Variants in PHLDB2 observed in about 807,000 individuals in gnomAD.
PHLDB2 encodes the protein pleckstrin homology like domain family B member 2, also known as pleckstrin homology-like domain family B member 2.
Under a neutral mutation model 123.6 loss-of-function variants are expected in PHLDB2, and 71 were observed. The observed-to-expected ratio is 0.57, with a 90% CI of 0.47 to 0.70. The LOEUF is 0.70. Ranked by LOEUF, PHLDB2 falls within the 30% of genes least tolerant of loss-of-function variation. The pLI is 0.00. For missense variants in PHLDB2, 1,446 were observed against 1,519.5 expected, an observed-to-expected ratio of 0.95 and a Z score of 0.80; for synonymous variants, 547 against 541.6, an observed-to-expected ratio of 1.01 and a Z score of -0.14.
At chr3:111,910,448 G>A (rs1007216112) in intron 2 of PHLDB2, among the ~76,000 whole-genome samples, 1 of 152,188 alleles carries the variant, frequency 6.6e-6, no homozygotes, top group African/African-American at 2.4e-5. Context: ...GGAAATCTCA[G>A]AGGGCAGCCA....
At chr3:111,841,676 A>G (rs182160123) in intron 1 of PHLDB2, among the ~76,000 whole-genome samples, 84 of 152,306 alleles carry the variant, frequency 5.5e-4, no homozygotes, top group Admixed American at 9.8e-4. Context: ...ACAGGGTGTC[A>G]GCTGGGCTTC....
chr3:111,755,914 C>G (rs11532594), intron 1 of PHLDB2, among the ~76,000 whole-genome samples: 140,768 of 150,466 alleles, frequency 0.94, 65,907 homozygotes, highest in East Asian at 1. Flanking sequence ...TATGTACCCA[C>G]TAGTCATTCA....
intron 10 of PHLDB2, chr3:111,949,833 A>G (rs1198751862): frequency 4.1e-6 from 4 of 985,684 alleles, no homozygotes; most frequent in Non-Finnish European, 4.8e-6. Flanking sequence ...TAAATGACAC[A>G]CCTCCTCCTT....
rs375295876 is a variant in PHLDB2, at chr3:111,962,182, A to G, written c.2947A>G (p.Asn983Asp). The change falls in exon 13 of 18, where the codon AAT becomes GAT. Residue 983 changes from asparagine (N) to aspartate (D), a missense_variant. Asn to Asp is a conservative substitution (Grantham distance 23, BLOSUM62 1). Around this residue, in one of 3 missense-constraint regions of PHLDB2, gnomAD observed 594 missense variants for 646.0 expected, o/e 0.92. Transcript: ENST00000431670. ...TTATAACCGCACAGCATCTGAATCA[A>G]ATGTCTACTTGAATAGTTTCCATTA... Reference protein sequence around the residue: ...EFYNRTASESNVYLNSFHYPD... With the variant: ...EFYNRTASESDVYLNSFHYPD... 1 of 1,584,120 alleles carries G rather than the reference A, an allele frequency of 6.3e-7. No homozygotes were observed. The highest frequency in any genetic ancestry group is 8.5e-7 in the Non-Finnish European group (1 of 1,171,632).
chr3:111,877,208 T>A (rs2107289485), intron 1 of PHLDB2, among the ~76,000 whole-genome samples: 1 of 152,366 alleles, frequency 6.6e-6, no homozygotes, highest in African/African-American at 2.4e-5. Flanking sequence ...TGTTCCTATT[T>A]CTCCACATCC....
chr3:111,953,221 G>T (rs1376560778), intron 11 of PHLDB2, among the ~76,000 whole-genome samples: 1 of 152,126 alleles, frequency 6.6e-6, no homozygotes, highest in African/African-American at 2.4e-5. Context: ...GCCCTCAGCT[G>T]GTATGTAGTG....
rs138840368 is a variant in PHLDB2 at position 111,779,090 on chromosome 3, G to C, written c.-49+46387G>C. On this transcript the variant is annotated intron_variant, in intron 1 of 17. Coordinates refer to the PHLDB2 transcript ENST00000393923. The stretch of plus-strand genomic sequence containing the variant: ...GCCCTACCTTCGGAGTTTCTGACTC[G>C]GTAGGTCTGGAGAAAAAACTAACAA... Among the ~76,000 whole-genome samples the C allele has an allele frequency of 5.5e-4, 83 of 152,044 alleles. 1 individual carries two copies. In the East Asian group the frequency reaches 0.016, roughly 29 times the overall value.
intron 1 of PHLDB2, among the ~76,000 whole-genome samples, chr3:111,744,324 G>A (rs1308426751): frequency 2.6e-5 from 4 of 152,152 alleles, no homozygotes; most frequent in South Asian, 2.1e-4. Context: ...AGACCCTTCC[G>A]CACATTGCTG....
chr3:111,861,168 C>T (rs1489285581), intron 1 of PHLDB2, among the ~76,000 whole-genome samples: 1 of 152,102 alleles, frequency 6.6e-6, no homozygotes, highest in East Asian at 1.9e-4. Flanking sequence ...TTAGAGTTGC[C>T]CACTATTTTA....
intron 12 of PHLDB2, among the ~76,000 whole-genome samples, chr3:111,955,792 T>C (rs892012835): frequency 1.3e-5 from 2 of 152,178 alleles, no homozygotes; most frequent in African/African-American, 4.8e-5. Context: ...AAAGCTTAGA[T>C]TGGCCACAAC....
At chr3:111,854,200 C>G (rs986378963) in intron 2 of PHLDB2, among the ~76,000 whole-genome samples, 2 of 152,202 alleles carry the variant, frequency 1.3e-5, no homozygotes, top group African/African-American at 4.8e-5. Flanking sequence ...AACTCACTAT[C>G]ATGAGAACAG....
At chr3:111,822,522 G>A (rs1329702120) in intron 1 of PHLDB2, among the ~76,000 whole-genome samples, 1 of 152,046 alleles carries the variant, frequency 6.6e-6, no homozygotes, top group Non-Finnish European at 1.5e-5. Context: ...TCCTTGAGCA[G>A]TCTTTAGACC....
chr3:111,798,683 A>AAAAT (rs1414309044), intron 1 of PHLDB2, among the ~76,000 whole-genome samples: 2 of 7,614 alleles, frequency 2.6e-4, no homozygotes, highest in Admixed American at 4.5e-3. Context: ...GTCTCTAATA[A>AAAAT]AAATAAAATA....
chr3:111,904,167 A>C, intron 2 of PHLDB2, among the ~76,000 whole-genome samples: 1 of 151,744 alleles, frequency 6.6e-6, no homozygotes, highest in East Asian at 1.9e-4. Flanking sequence ...AATCCCAGCT[A>C]CTCGGGAGGC....
At chr3:111,831,656 A>G (rs1347806626) in intron 1 of PHLDB2, among the ~76,000 whole-genome samples, 1 of 152,216 alleles carries the variant, frequency 6.6e-6, no homozygotes, top group Non-Finnish European at 1.5e-5. Flanking sequence ...CTAATTTCAC[A>G]TGAGAAGAGG....
chr3:111,913,360 A>G lies in PHLDB2; in HGVS notation c.1377A>G (p.Glu459=). The part of the protein sequence containing the change: ...RLETILSLCA[E]YTKPDSRLST... Reference sequence around the variant, plus strand: ...AGACCATCCTCAGTCTCTGTGCTGAATACACAAAGCCTGACAGTCGCTTAT... The same window carrying G: ...AGACCATCCTCAGTCTCTGTGCTGAGTACACAAAGCCTGACAGTCGCTTAT... Residue 459 remains glutamate, a synonymous_variant, in exon 3 of 18, where the codon GAA becomes GAG. Coordinates refer to ENST00000431670, the MANE Select transcript of PHLDB2 (RefSeq NM_001134438.2). 4.3e-6 allele frequency: 7 copies of G among 1,612,554 alleles called. No individual in the cohort carries two copies. Among genetic ancestry groups the G allele is most frequent in the Non-Finnish European group, 5.9e-6 (7 of 1,179,148 alleles).
At position 111,913,538 on chromosome 3, in the gene PHLDB2, T is replaced by G. The variant is rs2068003881; in HGVS notation, c.1555T>G (p.Leu519Val). The change falls in exon 3 of 18, where the codon TTG (leucine) becomes GTG (valine). Residue 519 changes from leucine (L) to valine (V), a missense_variant. By Grantham distance (32) the Leu-to-Val change is conservative. Transcript: ENST00000431670. The stretch of plus-strand genomic sequence containing the variant: ...GAAAGACTCCCTCCCTGATGCAGAC[T>G]TGGCAAGCTGTGGGAGTCTCAGTCA... ...HRKDSLPDAD[L>V]ASCGSLSQSS... 6.2e-7 allele frequency: 1 copy of G among 1,614,006 alleles called. No individual in the cohort carries two copies. The highest frequency in any genetic ancestry group is 1.7e-5 in the Admixed American group (1 of 59,994).
rs202130294 is a variant in PHLDB2 at position 111,885,210 on chromosome 3, C to G, written c.1133C>G (p.Ala378Gly). 3 of 1,614,058 alleles carry G rather than the reference C, an allele frequency of 1.9e-6. No individual in the cohort carries two copies. The South Asian group carries it at 3.3e-5, about 18-fold the overall frequency. The part of the protein sequence containing the change: ...LLAGESDRVF[A>G]TRRNFSCGSV... ...GCTGGAGAGTCAGACAGAGTTTTTG[C>G]GACCAGGAGGAACTTCTCTTGTGGA... The change falls in exon 2 of 18, where the codon GCG (alanine) becomes GGG (glycine). Residue 378 changes from alanine to glycine, a missense_variant. Transcript: ENST00000431670.
intron 2 of PHLDB2, among the ~76,000 whole-genome samples, chr3:111,897,227 A>G: frequency 6.6e-6 from 1 of 152,184 alleles, no homozygotes; most frequent in East Asian, 1.9e-4. Context: ...TTCTGTGGAA[A>G]TTGGGCAGGT....
Sources: gnomAD v4.1 joint callset for allele counts (sites outside exome capture counted in the v4.1 genomes callset) on GRCh38, gnomAD v4.1.1 for gene constraint, gnomAD v4.1.1 regional missense constraint, MANE v1.5 for transcripts, NCBI Gene and HGNC (gene_info 2026-07-23, HGNC 2026-07-21) for gene names.